The following PDGFRB variants were observed in gnomAD, a reference collection of about 807,000 sequenced individuals.
PDGFRB encodes platelet derived growth factor receptor beta.
Under a neutral mutation model 120.2 loss-of-function variants are expected in PDGFRB, and 42 were observed. The observed-to-expected ratio is 0.35, with a 90% CI of 0.27 to 0.45. The LOEUF (loss-of-function observed/expected upper bound fraction) is 0.45, where lower values mean the gene tolerates loss of function less well. Among genes scored for constraint, PDGFRB ranks in the 20% least tolerant of loss-of-function variants. The pLI is 1.00. For synonymous variants in PDGFRB, 586 were observed against 606.8 expected (o/e 0.97, Z 0.50); for missense variants, 1,149 against 1,476.3 (o/e 0.78, Z 3.63).
rs2113889968 is a variant in PDGFRB, at chr5:150,121,291, G to A, written c.2376C>T (p.Ile792=). 2 of 1,600,898 alleles carry A rather than the reference G, an allele frequency of 1.2e-6. No individual in the cohort carries two copies. Among genetic ancestry groups the A allele is most frequent in the Non-Finnish European group, 1.7e-6 (2 of 1,167,902 alleles). ...TGTAGCTTAGCACTGGAGACTCGTT[G>A]ATCAAAGTTGCTCGGCAGGTCCTCT... is the stretch of plus-strand genomic sequence containing the variant. ...APERTCRATL[I]NESPVLSYMD... is the part of the protein sequence containing the mutation. The change falls in exon 17 of 23, where the codon ATC becomes ATT. Residue 792 remains isoleucine (I), a synonymous_variant. Transcript: ENST00000261799. This position sits in a 1 kb window ranked among gnomAD's most constrained non-coding sequence, Gnocchi z 4.1.
At chr5:150,148,161 G>A (rs1760976349) in intron 1 of PDGFRB, among the ~76,000 whole-genome samples, 1 of 152,164 alleles carries the variant, frequency 6.6e-6, no homozygotes, top group African/African-American at 2.4e-5. Flanking sequence ...GCCAACCTAA[G>A]GCCAGACCCA....
At position 150,131,995 on chromosome 5, in the gene PDGFRB, G is replaced by T; in HGVS notation, c.1227C>A (p.Phe409Leu). 1 of 1,584,014 alleles carries T rather than the reference G, an allele frequency of 6.3e-7. No homozygotes were observed. The highest frequency in any genetic ancestry group is 8.7e-7 in the Non-Finnish European group (1 of 1,152,670). The change falls in exon 8 of 23, where the codon TTC (phenylalanine) becomes TTA (leucine). Residue 409 changes from phenylalanine to leucine, a missense_variant. Transcript: ENST00000261799. ...FHEDAEVQLS[F>L]QLQINVPVRV... The stretch of plus-strand genomic sequence containing the variant: ...GCTCATCACCATTGATCTGTAGCTG[G>T]AAGGAGAGCTGGACCTCAGCATCCT...
chr5:150,124,924 C>T (rs1044125747), intron 12 of PDGFRB, 93 bp from the exon 13 acceptor site: 16 of 622,850 alleles, frequency 2.6e-5, no homozygotes, highest in African/African-American at 1.8e-4. Flanking sequence ...TACCCCCGGC[C>T]GCTATCACCC....
Position 150,134,853 on chromosome 5 carries a change from T to C in PDGFRB, c.528A>G (p.Gln176=). 6.2e-7 allele frequency: 1 copy of C among 1,614,226 alleles called. No homozygotes were observed. Among genetic ancestry groups the C allele is most frequent in the Non-Finnish European group, 8.5e-7 (1 of 1,180,042 alleles). ...DVALPVPYDH[Q]RGFSGIFEDR... The stretch of plus-strand genomic sequence containing the variant: ...CCTCAAAGATACCAGAAAAGCCACG[T>C]TGGTGATCATAGGGGACAGGCAGTG... Residue 176 remains glutamine, a synonymous_variant, in exon 4 of 23, where the codon CAA becomes CAG. Transcript: ENST00000261799.
chr5:150,115,556 G>A lies in PDGFRB; in HGVS notation c.*207C>T, dbSNP rs903997816. On this transcript the variant is annotated 3_prime_UTR_variant, in exon 23 of 23. Transcript: ENST00000261799. Reference sequence around the variant, plus strand: ...GAGTCAGTTGGCCTCCCTGGAGGCAGAGGGCTGGTCACGGCCCCTGCAGTT... The same window carrying A: ...GAGTCAGTTGGCCTCCCTGGAGGCAAAGGGCTGGTCACGGCCCCTGCAGTT... 7.0e-6 allele frequency: 3 copies of A among 429,664 alleles called. No homozygotes were observed. The East Asian group carries it at 1.1e-4, about 16-fold the overall frequency. The allele number at this position is 429,664 out of a possible 1,614,324, so 26.6% of individuals were successfully genotyped here. A position where few individuals can be genotyped will look rare whatever the true frequency, so the allele number is the denominator to read the frequency against.
chr5:150,129,070 T>C (rs1760375647), intron 10 of PDGFRB, among the ~76,000 whole-genome samples: 1 of 152,234 alleles, frequency 6.6e-6, no homozygotes, highest in Admixed American at 6.5e-5. Flanking sequence ...CAGATGTACA[T>C]TGTACAGCAG....
chr5:150,118,906 C>T, intron 20 of PDGFRB, 54 bp from the exon 21 acceptor site: 1 of 1,111,854 alleles, frequency 9.0e-7, no homozygotes, highest in Non-Finnish European at 1.3e-6. Context: ...GGGGACAAGG[C>T]AGGGCTGGGG....
At position 150,132,210 on chromosome 5, in the gene PDGFRB, C is replaced by G; in HGVS notation, c.1128-116G>C. The G allele has an allele frequency of 1.6e-6, 1 of 629,052 alleles. No individual in the cohort carries two copies. Among genetic ancestry groups the G allele is most frequent in the Non-Finnish European group, 2.9e-6 (1 of 346,052 alleles). 39.0% of individuals were successfully genotyped at this position (629,052 alleles called of 1,614,324 possible). The stretch of plus-strand genomic sequence containing the variant: ...GGGGAAGGGCTTGCCAAGGTCATCT[C>G]GGCATTGGTAGCAGAGCCGGGACTC... On this transcript the variant is annotated intron_variant, in intron 7 of 22. Transcript: ENST00000261799. This position sits in a 1 kb window ranked among gnomAD's most constrained non-coding sequence, Gnocchi z 5.0.
At chr5:150,131,464 C>T (rs1020869104) in intron 8 of PDGFRB, among the ~76,000 whole-genome samples, 1 of 152,188 alleles carries the variant, frequency 6.6e-6, no homozygotes, top group Non-Finnish European at 1.5e-5. Flanking sequence ...CTCACACCAT[C>T]ACTCTGTGCC....
intron 10 of PDGFRB, 76 bp from the exon 11 acceptor site, chr5:150,126,690 G>T: frequency 2.5e-6 from 2 of 797,658 alleles, no homozygotes; most frequent in Non-Finnish European, 4.5e-6. Context: ...TGGCATCATA[G>T]ATCCCTCCGT....
At chr5:150,149,889 T>C (rs1761025573) in intron 1 of PDGFRB, among the ~76,000 whole-genome samples, 1 of 152,004 alleles carries the variant, frequency 6.6e-6, no homozygotes, top group Non-Finnish European at 1.5e-5. Context: ...GCAGCAGCAA[T>C]GAGGATGTGG....
rs1254719718 is a variant in PDGFRB, at chr5:150,134,071, G to A, written c.632-63C>T. On this transcript the variant is annotated intron_variant, in intron 4 of 22. Coordinates refer to ENST00000261799, the MANE Select transcript of PDGFRB (RefSeq NM_002609.4). ...CCACCAGCCACTAGCACTTCAGCTT[G>A]GGGATAGGGTAGGGGGCTAGAGAGG... The A allele has an allele frequency of 4.0e-6, 6 of 1,507,002 alleles. No homozygotes were observed. The African/African-American group carries it at 6.9e-5, about 17-fold the overall frequency. 93.4% of individuals were successfully genotyped at this position (1,507,002 alleles called of 1,614,324 possible). A position where few individuals can be genotyped will look rare whatever the true frequency, so the allele number is the denominator to read the frequency against.
At position 150,115,170 on chromosome 5, in the gene PDGFRB, C is replaced by T. The variant is rs559602030; in HGVS notation, c.*593G>A. The T allele has an allele frequency of 8.6e-6, 2 of 233,002 alleles. No homozygotes were observed. The highest frequency in any genetic ancestry group is 1.7e-5 in the Non-Finnish European group (2 of 118,010). The allele number at this position is 233,002 out of a possible 1,614,324, so 14.4% of individuals were successfully genotyped here. A position where few individuals can be genotyped will look rare whatever the true frequency, so the allele number is the denominator to read the frequency against. On this transcript the variant is annotated 3_prime_UTR_variant, in exon 23 of 23. Coordinates refer to ENST00000261799, the MANE Select transcript of PDGFRB (RefSeq NM_002609.4). The stretch of plus-strand genomic sequence containing the variant: ...AATTAGGCTGCCTAATGGCCCCAGA[C>T]CAGCTCGGGCCAGGGAACGCAGGGA...
rs200485871 is a variant in PDGFRB, at chr5:150,120,839, C to T, written c.2586+49G>A. The stretch of plus-strand genomic sequence containing the variant: ...CTGGTCAGGAGGGAATCTGTTCCTG[C>T]GGTCACAGGCACTGTGACTGCCCTG... On this transcript the variant is annotated intron_variant, in intron 18 of 22. Transcript: ENST00000261799. This position sits in a 1 kb window ranked among gnomAD's most constrained non-coding sequence, Gnocchi z 4.3. 2,706 of 1,582,026 alleles carry T rather than the reference C, an allele frequency of 1.7e-3. 65 individuals carry two copies. The South Asian group carries it at 0.028, about 16-fold the overall frequency.
At position 150,132,673 on chromosome 5, in the gene PDGFRB, G is replaced by A; in HGVS notation, c.1127+77C>T. ...CTCAGAAAGCTGGGCCTAGGTTTGTGGCTGAAAGCCGAGGGCTGCCTGGCG... is the reference window on the plus strand; with the variant it reads ...CTCAGAAAGCTGGGCCTAGGTTTGTAGCTGAAAGCCGAGGGCTGCCTGGCG... On this transcript the variant is annotated intron_variant, in intron 7 of 22. Coordinates refer to ENST00000261799, the MANE Select transcript of PDGFRB (RefSeq NM_002609.4). This position sits in a 1 kb window ranked among gnomAD's most constrained non-coding sequence, Gnocchi z 5.0. 4.3e-6 allele frequency: 6 copies of A among 1,409,796 alleles called. No individual in the cohort carries two copies. Among genetic ancestry groups the A allele is most frequent in the Non-Finnish European group, 5.8e-6 (6 of 1,038,556 alleles). 87.3% of individuals were successfully genotyped at this position (1,409,796 alleles called of 1,614,324 possible). A position where few individuals can be genotyped will look rare whatever the true frequency, so the allele number is the denominator to read the frequency against.
At position 150,132,770 on chromosome 5, in the gene PDGFRB, C is replaced by A; in HGVS notation, c.1107G>T (p.Thr369=). The part of the protein sequence containing the change: ...DSSAGEIALS[T]RNVSETRYVS... Reference sequence around the variant, plus strand: ...CTCACCGGGTCTCCGACACGTTGCGCGTGGACAGGGCGATTTCGCCAGCGC... The same window carrying A: ...CTCACCGGGTCTCCGACACGTTGCGAGTGGACAGGGCGATTTCGCCAGCGC... The change falls in exon 7 of 23, where the codon ACG becomes ACT. Residue 369 remains threonine (T), a synonymous_variant. Coordinates refer to ENST00000261799, the MANE Select transcript of PDGFRB (RefSeq NM_002609.4). This position sits in a 1 kb window ranked among gnomAD's most constrained non-coding sequence, Gnocchi z 5.0. The A allele has an allele frequency of 6.2e-7, 1 of 1,613,178 alleles. No individual in the cohort carries two copies. The highest frequency in any genetic ancestry group is 8.5e-7 in the Non-Finnish European group (1 of 1,179,730).
At position 150,135,863 on chromosome 5, in the gene PDGFRB, A is replaced by G; in HGVS notation, c.56T>C (p.Leu19Pro). 2 of 1,526,152 alleles carry G rather than the reference A, an allele frequency of 1.3e-6. No individual in the cohort carries two copies. Among genetic ancestry groups the G allele is most frequent in the Non-Finnish European group, 1.8e-6 (2 of 1,137,876 alleles). 94.5% of individuals were successfully genotyped at this position (1,526,152 alleles called of 1,614,324 possible). The change falls in exon 3 of 23, where the codon CTG (leucine) becomes CCG (proline). Residue 19 changes from leucine to proline, a missense_variant. Coordinates refer to ENST00000261799, the MANE Select transcript of PDGFRB (RefSeq NM_002609.4). ...TGGTTCCAGAAGTAACAGGAGAGACAGCAACAGCAGCTCGCCTTTGGGAGA... is the reference window on the plus strand; with the variant it reads ...TGGTTCCAGAAGTAACAGGAGAGACGGCAACAGCAGCTCGCCTTTGGGAGA... Reference protein sequence around the residue: ...ALALKGELLLLSLLLLLEPQI... With the variant: ...ALALKGELLLPSLLLLLEPQI...
At chr5:150,147,337 C>T (rs1344129790) in intron 1 of PDGFRB, among the ~76,000 whole-genome samples, 1 of 152,224 alleles carries the variant, frequency 6.6e-6, no homozygotes, top group Non-Finnish European at 1.5e-5. Flanking sequence ...CCAAAGGAGC[C>T]CCTGAGAGGG....
chr5:150,134,626 T>C (rs1760570857), intron 4 of PDGFRB, 124 bp downstream of exon 4: 2 of 879,882 alleles, frequency 2.3e-6, no homozygotes, highest in Non-Finnish European at 3.5e-6. Flanking sequence ...CTATCTTCCT[T>C]CGAAGGCTGT....
Sources: allele counts gnomAD v4.1 joint callset (sites outside exome capture counted in the v4.1 genomes callset), GRCh38; gene constraint gnomAD v4.1.1; non-coding constraint Gnocchi (gnomAD v3.1); transcripts MANE v1.5; gene names NCBI Gene and HGNC (gene_info 2026-07-23, HGNC 2026-07-21).